RANBP2: variants seen among roughly 807,000 people sequenced by gnomAD.
RANBP2 encodes the protein E3 SUMO-protein ligase RanBP2.
A neutral mutation model predicts 303.6 loss-of-function variants in RANBP2; 57 were observed. The ratio of observed to expected loss-of-function variants is 0.19; its 90% CI spans 0.15 to 0.23. The LOEUF (loss-of-function observed/expected upper bound fraction) is 0.23, where lower values mean the gene tolerates loss of function less well. Among genes scored for constraint, RANBP2 ranks in the 10% least tolerant of loss-of-function variants. RANBP2 has a pLI of 1.00. For synonymous variants in RANBP2, 1,167 were observed against 1,301.5 expected, an observed-to-expected ratio of 0.90 and a Z score of 2.23; for missense variants, 3,138 against 3,780.8, an observed-to-expected ratio of 0.83 and a Z score of 4.46.
chr2:109,400,575 G>GCACA, the RANBP2 span, among the ~76,000 whole-genome samples: 69 of 147,090 alleles, frequency 4.7e-4, no homozygotes, highest in South Asian at 3.3e-3. Flanking sequence ...ACACCTGTGC[G>GCACA]CACACACACA....
chr2:109,432,817 G>A, the RANBP2 span: 33 of 1,146,034 alleles, frequency 2.9e-5, no homozygotes, highest in African/African-American at 1.6e-4. Flanking sequence ...CCCCACTGGC[G>A]TCCCCAGGCC....
chr2:109,493,280 C>G, the RANBP2 span, among the ~76,000 whole-genome samples: 1 of 134,886 alleles, frequency 7.4e-6, no homozygotes, highest in South Asian at 2.4e-4. Flanking sequence ...CCACGTACAC[C>G]ATAGAAACAC....
the RANBP2 span, among the ~76,000 whole-genome samples, chr2:109,607,098 C>T: frequency 6.6e-6 from 1 of 152,168 alleles, no homozygotes; most frequent in African/African-American, 2.4e-5. Flanking sequence ...GCCATCGCTT[C>T]GTTTACTATT....
At chr2:109,171,557 A>G in the RANBP2 span, among the ~76,000 whole-genome samples, 1 of 152,212 alleles carries the variant, frequency 6.6e-6, no homozygotes, top group African/African-American at 2.4e-5. Context: ...AGGGAAGTGC[A>G]TTAGAACACG....
the RANBP2 span, among the ~76,000 whole-genome samples, chr2:108,943,277 C>G: frequency 3.3e-5 from 5 of 152,202 alleles, no homozygotes; most frequent in African/African-American, 4.8e-5. Context: ...CGGGTCTGCT[C>G]CGACTCCAAA....
chr2:109,517,982 G>C, the RANBP2 span, among the ~76,000 whole-genome samples: 1 of 152,250 alleles, frequency 6.6e-6, no homozygotes, highest in African/African-American at 2.4e-5. Context: ...AGGAGCAGAC[G>C]TGGATGAAAA....
chr2:109,322,068 G>A, the RANBP2 span, among the ~76,000 whole-genome samples: 3 of 152,246 alleles, frequency 2.0e-5, no homozygotes, highest in South Asian at 2.1e-4. Context: ...AGCAAGGAGC[G>A]AGAAAGGGTA....
At chr2:109,044,298 A>T in the RANBP2 span, among the ~76,000 whole-genome samples, 1 of 152,066 alleles carries the variant, frequency 6.6e-6, no homozygotes, top group Non-Finnish European at 1.5e-5. Context: ...AGGCAGGCGG[A>T]TCATGAGGTC....
chr2:109,490,619 T>G, the RANBP2 span: 1 of 1,445,616 alleles, frequency 6.9e-7, no homozygotes, highest in South Asian at 1.4e-5. Context: ...AGAAGAAGAG[T>G]GGGCTCCTGA....
chr2:109,032,439 C>A, the RANBP2 span, among the ~76,000 whole-genome samples: 1 of 152,252 alleles, frequency 6.6e-6, no homozygotes, highest in Non-Finnish European at 1.5e-5. Flanking sequence ...ACTCAGCACC[C>A]TGTCTGGTGA....
the RANBP2 span, among the ~76,000 whole-genome samples, chr2:108,921,782 C>T: frequency 2.0e-5 from 3 of 152,248 alleles, no homozygotes; most frequent in Non-Finnish European, 4.4e-5. Context: ...ACCCCAAGGC[C>T]TATCTGGCCG....
chr2:109,046,218 T>G, the RANBP2 span, among the ~76,000 whole-genome samples: 17 of 149,976 alleles, frequency 1.1e-4, no homozygotes, highest in Admixed American at 6.6e-4. Flanking sequence ...GCAGAAGAAT[T>G]GCTTGAACCC....
the RANBP2 span, among the ~76,000 whole-genome samples, chr2:109,773,463 TGGAA>T: frequency 2.5e-5 from 2 of 80,820 alleles, no homozygotes; most frequent in Admixed American, 1.5e-4. Context: ...AACGCGAGGG[TGGAA>T]TCTGTGTAGA....
the RANBP2 span, among the ~76,000 whole-genome samples, chr2:109,334,997 C>T: frequency 6.6e-6 from 1 of 152,256 alleles, no homozygotes; most frequent in Non-Finnish European, 1.5e-5. Flanking sequence ...GCTCTGAGAA[C>T]GCGATTTATG....
At chr2:109,107,802 C>A in the RANBP2 span, among the ~76,000 whole-genome samples, 1 of 152,214 alleles carries the variant, frequency 6.6e-6, no homozygotes. Context: ...GAGGCGCAAT[C>A]TCAGCTCACT....
the RANBP2 span, among the ~76,000 whole-genome samples, chr2:109,658,346 C>T: frequency 1.3e-5 from 2 of 151,600 alleles, no homozygotes; most frequent in African/African-American, 4.8e-5. Context: ...ACTCGAGAGG[C>T]TGAGGCAGAG....
At chr2:109,463,185 T>C in the RANBP2 span, among the ~76,000 whole-genome samples, 1 of 152,254 alleles carries the variant, frequency 6.6e-6, no homozygotes, top group African/African-American at 2.4e-5. Flanking sequence ...CCTAGAACTC[T>C]TCTGTTTACA....
the RANBP2 span, chr2:109,419,497 GTC>G: frequency 6.5e-7 from 1 of 1,544,690 alleles, no homozygotes; most frequent in Non-Finnish European, 8.8e-7. Context: ...CTTGGATGGA[GTC>G]TCTGTCTCCT....
the RANBP2 span, among the ~76,000 whole-genome samples, chr2:109,424,115 G>C: frequency 6.6e-6 from 1 of 152,232 alleles, no homozygotes; most frequent in African/African-American, 2.4e-5. Context: ...CAGGCCCTGA[G>C]ATGGGGAGGT....
Sources: allele counts gnomAD v4.1 joint callset (sites outside exome capture counted in the v4.1 genomes callset), GRCh38; gene constraint gnomAD v4.1.1; transcripts MANE v1.5; gene names NCBI Gene and HGNC (gene_info 2026-07-23, HGNC 2026-07-21).